The following LINGO2 variants were observed in gnomAD, a reference collection of about 807,000 sequenced individuals.
LINGO2 encodes leucine rich repeat and Ig domain containing 2.
LINGO2 carries 14 observed loss-of-function variants against 30.6 expected under a neutral mutation model. The observed-to-expected ratio is 0.46, with a 90% CI of 0.30 to 0.72. The LOEUF is 0.72. Among genes scored for constraint, LINGO2 ranks in the 30% least tolerant of loss-of-function variants. The pLI is 0.07. For synonymous variants in LINGO2, 317 were observed against 288.5 expected (o/e 1.10, Z -1.00); for missense variants, 729 against 751.7 (o/e 0.97, Z 0.35).
intron 1 of LINGO2, among the ~76,000 whole-genome samples, chr9:28,552,470 T>G (rs911727377): frequency 6.6e-6 from 1 of 152,064 alleles, no homozygotes; most frequent in Non-Finnish European, 1.5e-5. Flanking sequence ...TTATTTCATA[T>G]TAATGTTCCC....
intron 4 of LINGO2, among the ~76,000 whole-genome samples, chr9:28,245,372 G>T (rs776200824): frequency 6.6e-6 from 1 of 152,080 alleles, no homozygotes; most frequent in African/African-American, 2.4e-5. Context: ...AGCTGGAAGC[G>T]TTCCCTTTGA....
chr9:28,896,506 T>C, the LINGO2 span, among the ~76,000 whole-genome samples: 303 of 152,222 alleles, frequency 2.0e-3, no homozygotes, highest in African/African-American at 7.0e-3. Context: ...AGAATGTTAG[T>C]ATACACCTAT....
the LINGO2 span, among the ~76,000 whole-genome samples, chr9:29,030,846 C>T: frequency 6.6e-6 from 1 of 152,034 alleles, no homozygotes; most frequent in Non-Finnish European, 1.5e-5. Context: ...TGCAAGTGTA[C>T]CTTATCAATT....
At chr9:28,000,739 GTTT>G (rs1233642243) in intron 5 of LINGO2, among the ~76,000 whole-genome samples, 1 of 152,142 alleles carries the variant, frequency 6.6e-6, no homozygotes, top group Admixed American at 6.5e-5. Flanking sequence ...GTTGACAATA[GTTT>G]TTTATTTGCC....
the LINGO2 span, among the ~76,000 whole-genome samples, chr9:29,041,761 C>T: frequency 6.6e-6 from 1 of 151,962 alleles, no homozygotes; most frequent in Non-Finnish European, 1.5e-5. Flanking sequence ...TTAGACTTAA[C>T]ACTGAAATCA....
At chr9:28,199,232 T>C in intron 4 of LINGO2, among the ~76,000 whole-genome samples, 1 of 152,208 alleles carries the variant, frequency 6.6e-6, no homozygotes, top group Non-Finnish European at 1.5e-5. Context: ...AGGCAATTAA[T>C]AAATGCTTTA....
chr9:28,194,561 TA>T (rs555810032), intron 4 of LINGO2, among the ~76,000 whole-genome samples: 40,015 of 114,200 alleles, frequency 0.35, 6,660 homozygotes, highest in East Asian at 0.51. Context: ...CTCTCTATCC[TA>T]AAAAAAAAAA....
At chr9:28,728,914 G>T in the LINGO2 span, among the ~76,000 whole-genome samples, 3 of 152,054 alleles carry the variant, frequency 2.0e-5, no homozygotes, top group African/African-American at 7.3e-5. Context: ...ACCCAGGGAG[G>T]ATGGCGTGAG....
chr9:28,038,647 T>C (rs945969941), intron 4 of LINGO2, among the ~76,000 whole-genome samples: 3 of 149,668 alleles, frequency 2.0e-5, no homozygotes, highest in East Asian at 4.0e-4. Flanking sequence ...GAGCCGAGAT[T>C]GCACCACTGC....
At position 28,402,226 on chromosome 9, in the gene LINGO2, A is replaced by G. The variant is rs546979400; in HGVS notation, c.-278-29358T>C. 4.0e-3 allele frequency among the ~76,000 whole-genome samples: 613 copies of G among 152,142 alleles called. 6 individuals are homozygous for G. The highest frequency in any genetic ancestry group is 0.014 in the African/African-American group (579 of 41,522). ...ACAACTAAAGAAAAAACAATAACTT[A>G]GGATAGGCATTATGAAACAAAGAAC... is the stretch of plus-strand genomic sequence containing the variant. On this transcript the variant is annotated intron_variant, in intron 2 of 5. Coordinates refer to ENST00000379992, the Ensembl canonical transcript of LINGO2.
chr9:29,071,377 A>G, the LINGO2 span, among the ~76,000 whole-genome samples: 1 of 150,182 alleles, frequency 6.7e-6, no homozygotes, highest in Non-Finnish European at 1.5e-5. Flanking sequence ...TAAATATATA[A>G]CAATTTCATT....
chr9:28,884,909 T>C, the LINGO2 span, among the ~76,000 whole-genome samples: 7 of 105,882 alleles, frequency 6.6e-5, no homozygotes, highest in South Asian at 2.8e-4. Context: ...TATATATATG[T>C]ATTTAGATAC....
At chr9:28,067,917 C>T (rs1368888522) in intron 4 of LINGO2, among the ~76,000 whole-genome samples, 1 of 152,118 alleles carries the variant, frequency 6.6e-6, no homozygotes, top group African/African-American at 2.4e-5. Flanking sequence ...TTGCCATAAG[C>T]ACCCACTGAG....
intron 1 of LINGO2, among the ~76,000 whole-genome samples, chr9:28,617,205 C>T (rs547972203): frequency 6.6e-6 from 1 of 152,124 alleles, no homozygotes; most frequent in Non-Finnish European, 1.5e-5. Flanking sequence ...TAATTAGTTT[C>T]ATGATTATAG....
intron 4 of LINGO2, among the ~76,000 whole-genome samples, chr9:28,058,719 C>A (rs1391944623): frequency 6.6e-6 from 1 of 152,012 alleles, no homozygotes; most frequent in African/African-American, 2.4e-5. Context: ...GAAAATAAAA[C>A]CATAAAATTC....
intron 2 of LINGO2, among the ~76,000 whole-genome samples, chr9:28,458,749 C>A (rs1824953031): frequency 6.6e-6 from 1 of 152,090 alleles, no homozygotes; most frequent in South Asian, 2.1e-4. Flanking sequence ...CCATATCCTA[C>A]TTCTGAAGCT....
chr9:28,986,705 C>A, the LINGO2 span, among the ~76,000 whole-genome samples: 3 of 151,928 alleles, frequency 2.0e-5, no homozygotes, highest in African/African-American at 7.2e-5. Flanking sequence ...TTTCATACAC[C>A]TAAACTGCCA....
chr9:29,138,532 T>C, the LINGO2 span, among the ~76,000 whole-genome samples: 2 of 152,202 alleles, frequency 1.3e-5, no homozygotes, highest in Non-Finnish European at 2.9e-5. Context: ...CATGTATTTA[T>C]TTATCAAATA....
chr9:28,152,439 G>C (rs1411406681), intron 4 of LINGO2, among the ~76,000 whole-genome samples: 1 of 152,080 alleles, frequency 6.6e-6, no homozygotes. Context: ...TTCTTTCACA[G>C]ACAGCAGAAC....
Sources: gnomAD v4.1 joint callset for allele counts (sites outside exome capture counted in the v4.1 genomes callset) on GRCh38, gnomAD v4.1.1 for gene constraint, MANE v1.5 for transcripts, NCBI Gene and HGNC (gene_info 2026-07-23, HGNC 2026-07-21) for gene names.